The following DNAH12 variants were observed in gnomAD, a reference collection of about 807,000 sequenced individuals.
DNAH12 encodes axonemal beta dynein heavy chain 12.
In DNAH12, 285 loss-of-function variants were observed where a neutral mutation model predicts 371.5. The ratio of observed to expected loss-of-function variants is 0.77; its 90% CI spans 0.70 to 0.85. The LOEUF is 0.85. Among genes scored for constraint, DNAH12 ranks in the 40% least tolerant of loss-of-function variants. The pLI is 0.00. For synonymous variants in DNAH12, 1,200 were observed against 1,213.0 expected, an observed-to-expected ratio of 0.99 and a Z score of 0.22; for missense variants, 3,611 against 3,689.4, an observed-to-expected ratio of 0.98 and a Z score of 0.55.
rs566288267 is a variant in DNAH12, at chr3:57,503,943, T to G, written c.1086+73A>C. On this transcript the variant is annotated intron_variant, in intron 9 of 73. Coordinates refer to ENST00000495027, the MANE Select transcript of DNAH12 (RefSeq NM_001366028.2). ...TAACAGAAAGAGTCATAACATTGTA[T>G]GTACACATACACTGCATAGAGATTC... 17 of 1,172,884 alleles carry G rather than the reference T, an allele frequency of 1.4e-5. No homozygotes were observed. In the East Asian group the frequency reaches 3.8e-4, roughly 26 times the overall value. 72.7% of individuals were successfully genotyped at this position (1,172,884 alleles called of 1,614,324 possible).
chr3:57,462,912 T>C, intron 17 of DNAH12, 37 bp from the exon 18 acceptor site: 1 of 1,448,700 alleles, frequency 6.9e-7, no homozygotes, highest in Non-Finnish European at 9.4e-7. Flanking sequence ...GAGTCACTCA[T>C]TTGACTTCCA....
chr3:57,424,062 C>T (rs558632940), intron 35 of DNAH12, among the ~76,000 whole-genome samples: 14 of 152,188 alleles, frequency 9.2e-5, no homozygotes, highest in Admixed American at 9.2e-4. Context: ...TCATAGCTAG[C>T]TTTTATGTTG....
intron 11 of DNAH12, among the ~76,000 whole-genome samples, chr3:57,493,516 A>G (rs1363832289): frequency 6.6e-6 from 1 of 152,186 alleles, no homozygotes; most frequent in African/African-American, 2.4e-5. Context: ...AAAGACAACT[A>G]TATACCATCC....
At chr3:57,428,103 A>G (rs953283197) in intron 34 of DNAH12, among the ~76,000 whole-genome samples, 1 of 151,876 alleles carries the variant, frequency 6.6e-6, no homozygotes, top group Non-Finnish European at 1.5e-5. Flanking sequence ...TAATTTTTAT[A>G]TCTTTAGTAG....
chr3:57,513,346 A>G (rs1304680369), intron 4 of DNAH12, among the ~76,000 whole-genome samples: 1 of 152,140 alleles, frequency 6.6e-6, no homozygotes. Flanking sequence ...GGAAGGGAGT[A>G]ACACAAAACA....
chr3:57,500,612 A>T (rs1423462736), intron 11 of DNAH12, among the ~76,000 whole-genome samples: 1 of 152,080 alleles, frequency 6.6e-6, no homozygotes, highest in Non-Finnish European at 1.5e-5. Context: ...TTCAAAGCCC[A>T]ACTCACATTT....
upstream of DNAH12, among the ~76,000 whole-genome samples, chr3:57,545,343 G>C (rs2069482909): frequency 6.8e-6 from 1 of 146,014 alleles, no homozygotes; most frequent in South Asian, 2.2e-4. Flanking sequence ...TTTTTTAGTA[G>C]AGACGGGGTT....
Position 57,457,826 on chromosome 3 carries a change from T to G in DNAH12, c.3231A>C (p.Ala1077=). The G allele has an allele frequency of 2.6e-6, 4 of 1,551,486 alleles. No individual in the cohort carries two copies. Among genetic ancestry groups the G allele is most frequent in the South Asian group, 1.2e-5 (1 of 84,050 alleles). The part of the protein sequence containing the change: ...SSEGERVELI[A]LISTSAARGA... Reference sequence around the variant, plus strand: ...CCCGCGCTGCAGACGTGGAAATGAGTGCAATCAGCTCCACTCGCTCGCCCT... The same window carrying G: ...CCCGCGCTGCAGACGTGGAAATGAGGGCAATCAGCTCCACTCGCTCGCCCT... The change falls in exon 22 of 74, where the codon GCA becomes GCC. Residue 1077 remains alanine (A), a synonymous_variant. Coordinates refer to ENST00000495027, the MANE Select transcript of DNAH12 (RefSeq NM_001366028.2).
chr3:57,348,434 A>C (rs1244306508), intron 60 of DNAH12, among the ~76,000 whole-genome samples: 1 of 152,160 alleles, frequency 6.6e-6, no homozygotes, highest in African/African-American at 2.4e-5. Flanking sequence ...GACATTACAC[A>C]CTTGCCAAAA....
intron 13 of DNAH12, among the ~76,000 whole-genome samples, chr3:57,478,631 C>T (rs2066621165): frequency 6.6e-6 from 1 of 151,874 alleles, no homozygotes; most frequent in Non-Finnish European, 1.5e-5. Context: ...GTCAGATTCA[C>T]CAAAGTTGAA....
chr3:57,344,959 T>C (rs1433507598), intron 60 of DNAH12, among the ~76,000 whole-genome samples: 2 of 152,126 alleles, frequency 1.3e-5, no homozygotes, highest in African/African-American at 2.4e-5. Context: ...TCAAAATTCA[T>C]GTATAATTTT....
chr3:57,324,673 T>C (rs1401045422), intron 62 of DNAH12, among the ~76,000 whole-genome samples: 1 of 152,148 alleles, frequency 6.6e-6, no homozygotes, highest in Non-Finnish European at 1.5e-5. Context: ...TGCATTTCCA[T>C]CTGAGGTACT....
chr3:57,540,247 T>C (rs57774469), intron 2 of DNAH12, among the ~76,000 whole-genome samples: 37,359 of 151,786 alleles, frequency 0.25, 6,718 homozygotes, highest in African/African-American at 0.5. Flanking sequence ...GACAGGGTTT[T>C]GCCATGTTGG....
intron 69 of DNAH12, 38 bp from the exon 70 acceptor site, chr3:57,301,977 G>T (rs2061357931): frequency 2.0e-6 from 3 of 1,534,734 alleles, no homozygotes; most frequent in South Asian, 1.2e-5. Context: ...CATATATGAT[G>T]ATATCAACAT....
intron 55 of DNAH12, among the ~76,000 whole-genome samples, chr3:57,371,887 C>T (rs1228440638): frequency 1.2e-5 from 1 of 81,520 alleles, no homozygotes; most frequent in African/African-American, 5.2e-5. Context: ...CAAAAAGCCC[C>T]AAAACAAAAG....
chr3:57,464,691 A>G (rs1376173432), intron 17 of DNAH12, among the ~76,000 whole-genome samples: 1 of 152,228 alleles, frequency 6.6e-6, no homozygotes, highest in African/African-American at 2.4e-5. Flanking sequence ...GGGATATGTG[A>G]GCTCTCTGAC....
intron 57 of DNAH12, among the ~76,000 whole-genome samples, chr3:57,366,426 G>A (rs1361472469): frequency 6.6e-6 from 1 of 152,016 alleles, no homozygotes; most frequent in East Asian, 1.9e-4. Context: ...TATACTCTGT[G>A]GACTCGCCCT....
At chr3:57,501,101 C>G (rs905073365) in intron 11 of DNAH12, among the ~76,000 whole-genome samples, 2 of 152,072 alleles carry the variant, frequency 1.3e-5, no homozygotes, top group African/African-American at 4.8e-5. Flanking sequence ...TTTTGCATCA[C>G]CAAATCTTGT....
At chr3:57,475,006 C>T (rs895590889) in intron 13 of DNAH12, among the ~76,000 whole-genome samples, 2 of 148,684 alleles carry the variant, frequency 1.3e-5, no homozygotes, top group Admixed American at 6.8e-5. Flanking sequence ...ACAGAACAAG[C>T]TGCCTCAAAA....
Sources: gnomAD v4.1 joint callset for allele counts (sites outside exome capture counted in the v4.1 genomes callset) on GRCh38, gnomAD v4.1.1 for gene constraint, MANE v1.5 for transcripts, NCBI Gene and HGNC (gene_info 2026-07-23, HGNC 2026-07-21) for gene names.